SLC35H1: variants seen among roughly 807,000 people sequenced by gnomAD.
The protein encoded by SLC35H1 is ovarian cancer-overexpressed gene 1 protein.
the SLC35H1 span, chr20:46,355,881 G>A: frequency 9.9e-6 from 16 of 1,613,954 alleles, no homozygotes; most frequent in African/African-American, 2.7e-5. The surrounding 1 kb of genome is among the most constrained non-coding windows in gnomAD (Gnocchi z 4.8). Context: ...GTACCTGGAA[G>A]CAAAATTACC....
chr20:46,352,164 C>T, the SLC35H1 span: 1 of 1,614,214 alleles, frequency 6.2e-7, no homozygotes, highest in Non-Finnish European at 8.5e-7. Context: ...CTCCCAAGTA[C>T]CCGCAGGAGC....
chr20:46,359,934 C>T, the SLC35H1 span, among the ~76,000 whole-genome samples: 1 of 152,196 alleles, frequency 6.6e-6, no homozygotes, highest in Non-Finnish European at 1.5e-5. Flanking sequence ...ACTATTTCCC[C>T]TCCCCGGGGC....
At chr20:46,356,577 G>C in the SLC35H1 span, 1 of 1,614,082 alleles carries the variant, frequency 6.2e-7, no homozygotes, top group Non-Finnish European at 8.5e-7. Flanking sequence ...TACTCACAGC[G>C]AGACGGTGAC....
chr20:46,358,495 C>A, the SLC35H1 span: 2 of 1,614,078 alleles, frequency 1.2e-6, no homozygotes, highest in Admixed American at 1.7e-5. Context: ...CATCGAGGGC[C>A]CACCTCCCCA....
the SLC35H1 span, chr20:46,357,665 C>A: frequency 3.1e-6 from 5 of 1,614,028 alleles, no homozygotes; most frequent in African/African-American, 6.7e-5. Context: ...CAGCTCAGCA[C>A]CACACGGGCC....
chr20:46,356,711 C>T, the SLC35H1 span: 103 of 1,427,720 alleles, frequency 7.2e-5, 4 homozygotes, highest in South Asian at 1.0e-3. Flanking sequence ...TACCCTGAGG[C>T]ACCTGAGTGT....
At chr20:46,350,114 G>T in the SLC35H1 span, 9 of 283,290 alleles carry the variant, frequency 3.2e-5, no homozygotes, top group Non-Finnish European at 5.3e-5. Flanking sequence ...CAGAGCCTGG[G>T]AAGTGGTGGG....
At chr20:46,363,702 C>T in the SLC35H1 span, among the ~76,000 whole-genome samples, 1 of 152,218 alleles carries the variant, frequency 6.6e-6, no homozygotes, top group Admixed American at 6.5e-5. Flanking sequence ...TAACTGGTCT[C>T]CCTGTTTCCT....
the SLC35H1 span, among the ~76,000 whole-genome samples, chr20:46,353,627 GAA>G: frequency 6.6e-6 from 1 of 152,214 alleles, no homozygotes; most frequent in Non-Finnish European, 1.5e-5. Context: ...TCGGCAAATT[GAA>G]GGGAATTCGG....
chr20:46,357,539 G>A, the SLC35H1 span: 27 of 1,498,746 alleles, frequency 1.8e-5, no homozygotes, highest in African/African-American at 3.6e-4. Context: ...TTGGCTTCCA[G>A]ACATGCGGGT....
chr20:46,354,119 T>A, the SLC35H1 span, among the ~76,000 whole-genome samples: 1 of 152,076 alleles, frequency 6.6e-6, no homozygotes, highest in African/African-American at 2.4e-5. Flanking sequence ...AGGGCTCTCC[T>A]CATCCCTGGA....
chr20:46,355,957 C>T, the SLC35H1 span: 14 of 1,588,018 alleles, frequency 8.8e-6, no homozygotes, highest in Non-Finnish European at 4.3e-6. The surrounding 1 kb of genome is among the most constrained non-coding windows in gnomAD (Gnocchi z 4.8). Context: ...GCACAAATCA[C>T]TGAGCGAAAT....
At chr20:46,359,250 T>G in the SLC35H1 span, among the ~76,000 whole-genome samples, 10 of 152,332 alleles carry the variant, frequency 6.6e-5, no homozygotes, top group East Asian at 1.9e-3. Flanking sequence ...AGGTCACTTC[T>G]TCAGGGAACC....
the SLC35H1 span, chr20:46,348,768 G>C: frequency 6.6e-6 from 1 of 152,214 alleles, no homozygotes; most frequent in Admixed American, 6.5e-5. Context: ...TCTCCTGCTG[G>C]TAAACTTCAG....
At chr20:46,353,839 T>G in the SLC35H1 span, among the ~76,000 whole-genome samples, 4 of 145,500 alleles carry the variant, frequency 2.7e-5, no homozygotes, top group African/African-American at 5.1e-5. Context: ...AATGAAGGAG[T>G]GGGGAGAGAT....
the SLC35H1 span, among the ~76,000 whole-genome samples, chr20:46,358,031 C>T: frequency 6.6e-6 from 1 of 152,240 alleles, no homozygotes; most frequent in Non-Finnish European, 1.5e-5. Flanking sequence ...TGTGAGCTAC[C>T]TGCCCAGCCT....
chr20:46,358,643 A>G, the SLC35H1 span: 1 of 1,556,382 alleles, frequency 6.4e-7, no homozygotes, highest in Non-Finnish European at 8.7e-7. Context: ...AGCTCTCTGC[A>G]GCTCCATGAT....
chr20:46,358,816 G>A, the SLC35H1 span: 62 of 1,135,406 alleles, frequency 5.5e-5, no homozygotes, highest in Middle Eastern at 2.0e-4. Flanking sequence ...TGTGCTTCTC[G>A]TAGCCATGGG....
At chr20:46,347,492 C>T in the SLC35H1 span, 2 of 152,288 alleles carry the variant, frequency 1.3e-5, no homozygotes, top group African/African-American at 4.8e-5. Flanking sequence ...CCAAGTCCGG[C>T]AGTGTCTGCC....
Sources: gnomAD v4.1 joint callset for allele counts (sites outside exome capture counted in the v4.1 genomes callset) on GRCh38, gnomAD v4.1.1 for gene constraint, Gnocchi (gnomAD v3.1) non-coding constraint, MANE v1.5 for transcripts, NCBI Gene and HGNC (gene_info 2026-07-23, HGNC 2026-07-21) for gene names.